WHRN: variants seen among roughly 807,000 people sequenced by gnomAD.
WHRN encodes whirlin.
A neutral mutation model predicts 68.3 loss-of-function variants in WHRN; 41 were observed. The ratio of observed to expected loss-of-function variants is 0.60; its 90% CI spans 0.47 to 0.78. The LOEUF (loss-of-function observed/expected upper bound fraction) is 0.78. Ranked by LOEUF, WHRN falls within the 30% of genes least tolerant of loss-of-function variation. The pLI is 0.00. For synonymous variants in WHRN, 560 were observed against 561.3 expected (o/e 1.00, Z 0.03); for missense variants, 1,243 against 1,244.7 (o/e 1.00, Z 0.02).
At position 114,430,631 on chromosome 9, in the gene WHRN, G is replaced by A. The variant is rs148393086; in HGVS notation, c.964-4218C>T. Among the ~76,000 whole-genome samples the A allele has an allele frequency of 1.1e-3, 166 of 152,264 alleles. 2 individuals are homozygous for A. Among genetic ancestry groups the A allele is most frequent in the African/African-American group, 3.0e-3 (124 of 41,546 alleles). Reference sequence around the variant, plus strand: ...AGCCTCATCCTAGGCATTAATATGCGTGAAATCCCAGGTTGGCTGTGCGAG... The same window carrying A: ...AGCCTCATCCTAGGCATTAATATGCATGAAATCCCAGGTTGGCTGTGCGAG... On this transcript the variant is annotated intron_variant, in intron 3 of 11. Coordinates refer to ENST00000362057, the MANE Select transcript of WHRN (RefSeq NM_015404.4).
intron 3 of WHRN, among the ~76,000 whole-genome samples, chr9:114,453,688 A>G (rs1008351387): frequency 6.6e-6 from 1 of 152,212 alleles, no homozygotes; most frequent in African/African-American, 2.4e-5. Flanking sequence ...CTAACACTCA[A>G]GAAAGAAAAA....
chr9:114,431,544 TG>T (rs919330029), intron 3 of WHRN, among the ~76,000 whole-genome samples: 4 of 152,198 alleles, frequency 2.6e-5, no homozygotes, highest in African/African-American at 9.7e-5. Flanking sequence ...AGTGAATGGA[TG>T]GGGGGACCCG....
At chr9:114,472,116 G>A (rs572089296) in intron 2 of WHRN, among the ~76,000 whole-genome samples, 1 of 152,352 alleles carries the variant, frequency 6.6e-6, no homozygotes, top group East Asian at 1.9e-4. Context: ...CTAACTGATA[G>A]CGCCATCCAG....
chr9:114,459,681 CAA>C (rs1369806872), intron 3 of WHRN, among the ~76,000 whole-genome samples: 1 of 152,156 alleles, frequency 6.6e-6, no homozygotes, highest in Non-Finnish European at 1.5e-5. Context: ...AGGCTCCTGG[CAA>C]AGTCCAGCAC....
intron 3 of WHRN, among the ~76,000 whole-genome samples, chr9:114,463,967 T>C (rs529207470): frequency 1.3e-5 from 2 of 152,308 alleles, no homozygotes; most frequent in East Asian, 3.9e-4. Flanking sequence ...CCTCACCTAC[T>C]GAGCCTGTAA....
intron 3 of WHRN, among the ~76,000 whole-genome samples, chr9:114,452,102 C>T (rs767122362): frequency 2.6e-5 from 4 of 152,180 alleles, no homozygotes; most frequent in Non-Finnish European, 5.9e-5. Flanking sequence ...ACTATTTCCT[C>T]AGCAACATAG....
chr9:114,416,355 T>C (rs1835814030), intron 7 of WHRN, among the ~76,000 whole-genome samples: 1 of 152,250 alleles, frequency 6.6e-6, no homozygotes, highest in East Asian at 1.9e-4. Context: ...CTGCAGTGCC[T>C]GAAATGCTTT....
chr9:114,439,624 G>T (rs1313747831), intron 3 of WHRN, among the ~76,000 whole-genome samples: 1 of 93,106 alleles, frequency 1.1e-5, no homozygotes, highest in African/African-American at 2.8e-5. Context: ...ATATCTGTAT[G>T]TACACACACA....
chr9:114,433,713 G>A (rs1312906203), intron 3 of WHRN, among the ~76,000 whole-genome samples: 7 of 152,172 alleles, frequency 4.6e-5, no homozygotes, highest in Non-Finnish European at 1.0e-4. Flanking sequence ...AAAGATGCAG[G>A]TAATTGCTAA....
In WHRN at chr9:114,406,710, G is replaced by T. The variant is rs1466533098; in HGVS notation, c.1881C>A (p.Arg627=). 6.2e-7 allele frequency: 1 copy of T among 1,614,102 alleles called. No individual in the cohort carries two copies. The highest frequency in any genetic ancestry group is 1.1e-5 in the South Asian group (1 of 91,088). The change falls in exon 9 of 12, where the codon CGC becomes CGA. Residue 627 remains arginine (R), a synonymous_variant. Coordinates refer to ENST00000362057, the MANE Select transcript of WHRN (RefSeq NM_015404.4). ...SGTVFSAPQN[R]SPPAGTAPTP... ...TGGGTGCGGTGCCCGCTGGCGGGCTGCGGTTCTGTGGAGCCGAGAAGACAG... is the reference window on the plus strand; with the variant it reads ...TGGGTGCGGTGCCCGCTGGCGGGCTTCGGTTCTGTGGAGCCGAGAAGACAG...
intron 2 of WHRN, among the ~76,000 whole-genome samples, chr9:114,467,961 C>T (rs1840870766): frequency 6.6e-6 from 1 of 152,144 alleles, no homozygotes; most frequent in African/African-American, 2.4e-5. Flanking sequence ...ATTTCTATTT[C>T]GGAAGTTATT....
At chr9:114,428,859 CG>C (rs1837139549) in intron 3 of WHRN, among the ~76,000 whole-genome samples, 1 of 152,124 alleles carries the variant, frequency 6.6e-6, no homozygotes, top group African/African-American at 2.4e-5. Context: ...CTCCCTCCCA[CG>C]TGAGCGAGCT....
chr9:114,435,490 G>C (rs1190674721), intron 3 of WHRN, among the ~76,000 whole-genome samples: 2 of 152,184 alleles, frequency 1.3e-5, no homozygotes, highest in Non-Finnish European at 2.9e-5. Flanking sequence ...TCAAAGGGAA[G>C]ACAAAGAGGT....
At chr9:114,444,091 T>C (rs563556078) in intron 3 of WHRN, among the ~76,000 whole-genome samples, 1 of 152,148 alleles carries the variant, frequency 6.6e-6, no homozygotes, top group Non-Finnish European at 1.5e-5. Flanking sequence ...ATTATGGGAG[T>C]ACAATTCAAG....
At chr9:114,485,520 G>A (rs1337955573) in intron 1 of WHRN, among the ~76,000 whole-genome samples, 17 of 150,102 alleles carry the variant, frequency 1.1e-4, no homozygotes, top group African/African-American at 4.9e-5. Flanking sequence ...GTGAAACCAC[G>A]TCTCTACTAA....
chr9:114,493,374 G>T (rs1242655621), intron 1 of WHRN, among the ~76,000 whole-genome samples: 1 of 139,804 alleles, frequency 7.2e-6, no homozygotes, highest in African/African-American at 2.6e-5. Context: ...AAAAAAAAGT[G>T]GGGGTGGGGG....
At chr9:114,460,129 G>A (rs888082803) in intron 3 of WHRN, among the ~76,000 whole-genome samples, 2 of 152,204 alleles carry the variant, frequency 1.3e-5, no homozygotes, top group African/African-American at 2.4e-5. Context: ...CTGGGCTTGG[G>A]AAACTTGGTG....
intron 1 of WHRN, among the ~76,000 whole-genome samples, chr9:114,497,235 A>G (rs889912818): frequency 1.3e-5 from 2 of 152,216 alleles, no homozygotes; most frequent in Non-Finnish European, 2.9e-5. Context: ...CAGAGTTGAG[A>G]GGATGCTGAT....
chr9:114,424,612 T>C, intron 5 of WHRN, 66 bp from the exon 6 acceptor site: 1 of 1,497,334 alleles, frequency 6.7e-7, no homozygotes, highest in Non-Finnish European at 9.1e-7. Flanking sequence ...GCCATGCCAC[T>C]CCCCCTCTGC....
Sources: allele counts gnomAD v4.1 joint callset (sites outside exome capture counted in the v4.1 genomes callset), GRCh38; gene constraint gnomAD v4.1.1; transcripts MANE v1.5; gene names NCBI Gene and HGNC (gene_info 2026-07-23, HGNC 2026-07-21).